The following KCTD5 variants were observed in gnomAD, a reference collection of about 807,000 sequenced individuals.
The protein encoded by KCTD5 is BTB/POZ domain-containing protein KCTD5.
Under a neutral mutation model 27.9 loss-of-function variants are expected in KCTD5, and 12 were observed. That is an observed-to-expected ratio of 0.43 (90% CI 0.28 to 0.70). The LOEUF is 0.70. KCTD5 is among the 30% of genes least tolerant of loss of function. The probability of loss-of-function intolerance (pLI) is 0.19; values close to 1 mark genes in which losing one functional copy is unlikely to be tolerated. For synonymous variants in KCTD5, 147 were observed against 121.4 expected, an observed-to-expected ratio of 1.21 and a Z score of -1.39; for missense variants, 226 against 274.8, an observed-to-expected ratio of 0.82 and a Z score of 1.26.
rs145281268 is a variant in KCTD5, at chr16:2,683,040, C to T, written c.252+240C>T. Reference sequence around the variant, plus strand: ...CTTTGAGGATCCTGAGTCGATTCACCTTGGGGGTGTCTCTTCCTCGCCCTC... The same window carrying T: ...CTTTGAGGATCCTGAGTCGATTCACTTTGGGGGTGTCTCTTCCTCGCCCTC... On this transcript the variant is annotated intron_variant, in intron 1 of 5. Transcript: ENST00000301738. 4.7e-3 allele frequency: 2,244 copies of T among 480,492 alleles called. 12 individuals are homozygous for T. Among genetic ancestry groups the T allele is most frequent in the Admixed American group, 8.0e-3 (182 of 22,770 alleles). 29.8% of individuals were successfully genotyped at this position (480,492 alleles called of 1,614,324 possible).
chr16:2,698,258 C>T (rs941569942), intron 3 of KCTD5, among the ~76,000 whole-genome samples: 4 of 152,150 alleles, frequency 2.6e-5, no homozygotes, highest in Non-Finnish European at 1.5e-5. Context: ...AAGTTGGGCA[C>T]GGGAGACGTG....
At chr16:2,706,705 G>C (rs553279023) in intron 5 of KCTD5, among the ~76,000 whole-genome samples, 1 of 151,912 alleles carries the variant, frequency 6.6e-6, no homozygotes, top group Non-Finnish European at 1.5e-5. Flanking sequence ...GGCTCTGCAG[G>C]GCTGACGTGG....
chr16:2,689,687 T>G (rs1281423017), intron 1 of KCTD5, among the ~76,000 whole-genome samples: 1 of 151,990 alleles, frequency 6.6e-6, no homozygotes, highest in Non-Finnish European at 1.5e-5. Flanking sequence ...TCTTTTCTTT[T>G]TTTTTTTTTG....
chr16:2,688,218 TAA>T (rs1159620578), intron 1 of KCTD5, among the ~76,000 whole-genome samples: 4 of 67,564 alleles, frequency 5.9e-5, no homozygotes, highest in African/African-American at 2.3e-4. Context: ...ATTAAATAAA[TAA>T]ATAAATAAAT....
At chr16:2,689,966 G>A (rs964870812) in intron 1 of KCTD5, among the ~76,000 whole-genome samples, 3 of 152,258 alleles carry the variant, frequency 2.0e-5, no homozygotes, top group Non-Finnish European at 4.4e-5. Context: ...GTAAGCCACT[G>A]TGCCCAGCCC....
chr16:2,707,743 G>A lies in KCTD5; in HGVS notation c.*416G>A, dbSNP rs975976155. The A allele has an allele frequency of 1.9e-5, 8 of 422,050 alleles. No homozygotes were observed. Among genetic ancestry groups the A allele is most frequent in the Non-Finnish European group, 3.4e-5 (8 of 234,398 alleles). The allele number at this position is 422,050 out of a possible 1,614,324, so 26.1% of individuals were successfully genotyped here. On this transcript the variant is annotated 3_prime_UTR_variant, in exon 6 of 6. Coordinates refer to ENST00000301738, the MANE Select transcript of KCTD5 (RefSeq NM_018992.4). Reference sequence around the variant, plus strand: ...CAGCCGCGTCAGTGTCCAGCACGTCGTGGCCTCTGGTCCGACCACCAGGCC... The same window carrying A: ...CAGCCGCGTCAGTGTCCAGCACGTCATGGCCTCTGGTCCGACCACCAGGCC...
At chr16:2,689,501 G>A (rs920934461) in intron 1 of KCTD5, among the ~76,000 whole-genome samples, 9 of 130,492 alleles carry the variant, frequency 6.9e-5, no homozygotes, top group South Asian at 5.8e-4. Context: ...TCTTGATTTC[G>A]TTCCCCTCTG....
rs552915811 is a variant in KCTD5 at position 2,707,473 on chromosome 16, A to G, written c.*146A>G. 1.3e-5 allele frequency: 11 copies of G among 879,226 alleles called. No individual in the cohort carries two copies. In the African/African-American group the frequency reaches 1.3e-4, roughly 11 times the overall value. 54.5% of individuals were successfully genotyped at this position (879,226 alleles called of 1,614,324 possible). On this transcript the variant is annotated 3_prime_UTR_variant, in exon 6 of 6. Coordinates refer to ENST00000301738, the MANE Select transcript of KCTD5 (RefSeq NM_018992.4). ...GGGTGTGAATCCTTTTTTGCCTCTGAGGTGGGTGGTGAGAGACGGGCCCAG... is the reference window on the plus strand; with the variant it reads ...GGGTGTGAATCCTTTTTTGCCTCTGGGGTGGGTGGTGAGAGACGGGCCCAG...
intron 5 of KCTD5, among the ~76,000 whole-genome samples, chr16:2,705,164 G>A (rs780760443): frequency 6.6e-6 from 1 of 152,228 alleles, no homozygotes; most frequent in Non-Finnish European, 1.5e-5. Context: ...GGCACCCAGG[G>A]AGTGGCTCAG....
At chr16:2,693,660 CGT>C (rs2067576907) in intron 1 of KCTD5, among the ~76,000 whole-genome samples, 1 of 152,216 alleles carries the variant, frequency 6.6e-6, no homozygotes, top group South Asian at 2.1e-4. Context: ...GGGGTTGCCT[CGT>C]GTGTCTGGGG....
intron 5 of KCTD5, among the ~76,000 whole-genome samples, chr16:2,706,945 T>C (rs990381306): frequency 1.3e-5 from 2 of 148,756 alleles, no homozygotes; most frequent in South Asian, 2.2e-4. Context: ...AGAGACTTAA[T>C]TGGGGAGGGG....
intron 1 of KCTD5, among the ~76,000 whole-genome samples, chr16:2,689,941 G>A (rs1053097586): frequency 4.6e-5 from 7 of 152,244 alleles, no homozygotes; most frequent in Admixed American, 1.3e-4. Flanking sequence ...CTCCCAAAGT[G>A]CTGGGATCAC....
At chr16:2,691,844 C>T (rs973613117) in intron 1 of KCTD5, among the ~76,000 whole-genome samples, 4 of 152,200 alleles carry the variant, frequency 2.6e-5, no homozygotes, top group African/African-American at 7.2e-5. Context: ...TGGGGTCCCC[C>T]GCGGTGCCTC....
intron 3 of KCTD5, 33 bp downstream of exon 3, chr16:2,698,030 TG>T (rs771868615): frequency 6.6e-7 from 1 of 1,511,124 alleles, no homozygotes; most frequent in African/African-American, 1.4e-5. Flanking sequence ...GAAGCTTGTA[TG>T]GCTGGTGTGA....
intron 1 of KCTD5, among the ~76,000 whole-genome samples, chr16:2,687,039 ATCT>A (rs1300910618): frequency 2.0e-5 from 3 of 152,204 alleles, no homozygotes; most frequent in Non-Finnish European, 4.4e-5. Flanking sequence ...ACCACAAGTC[ATCT>A]TCTATTCTGG....
intron 5 of KCTD5, among the ~76,000 whole-genome samples, chr16:2,705,717 C>T (rs1015963269): frequency 7.9e-5 from 12 of 152,180 alleles, no homozygotes; most frequent in African/African-American, 2.9e-4. Context: ...CTCAAGGGCC[C>T]CCTGGTTGGT....
chr16:2,685,817 C>G (rs2067538022), intron 1 of KCTD5: 1 of 149,516 alleles, frequency 6.7e-6, no homozygotes, highest in Non-Finnish European at 1.5e-5. Context: ...TGGACTTAAG[C>G]ATGGATCTGG....
At chr16:2,688,220 AATAAATAAAT>A (rs1233383998) in intron 1 of KCTD5, among the ~76,000 whole-genome samples, 1 of 81,070 alleles carries the variant, frequency 1.2e-5, no homozygotes, top group African/African-American at 4.8e-5. Flanking sequence ...TAAATAAATA[AATAAATAAAT>A]ATATATATAT....
At chr16:2,698,112 C>T (rs1319987718) in intron 3 of KCTD5, 115 bp downstream of exon 3, 3 of 685,048 alleles carry the variant, frequency 4.4e-6, no homozygotes, top group South Asian at 1.8e-5. Flanking sequence ...GGCTCTCCTA[C>T]CCTGAGACCC....
Sources: allele counts gnomAD v4.1 joint callset (sites outside exome capture counted in the v4.1 genomes callset), GRCh38; gene constraint gnomAD v4.1.1; transcripts MANE v1.5; gene names NCBI Gene and HGNC (gene_info 2026-07-23, HGNC 2026-07-21).